The following SLC43A3 variants were observed in gnomAD, a reference collection of about 807,000 sequenced individuals.
SLC43A3 encodes the protein equilibrative nucleobase transporter 1.
SLC43A3 carries 33 observed loss-of-function variants against 53.3 expected under a neutral mutation model. The observed-to-expected ratio is 0.62, with a 90% CI of 0.47 to 0.83. The LOEUF (loss-of-function observed/expected upper bound fraction) is 0.83, where lower values mean the gene tolerates loss of function less well. SLC43A3 is among the 40% of genes least tolerant of loss of function. The pLI is 0.00. For missense variants in SLC43A3, 530 were observed against 610.0 expected (o/e 0.87, Z 1.38); for synonymous variants, 236 against 246.2 (o/e 0.96, Z 0.39).
chr11:57,424,882 G>A (rs1359311570), intron 4 of SLC43A3, among the ~76,000 whole-genome samples: 1 of 152,170 alleles, frequency 6.6e-6, no homozygotes, highest in East Asian at 1.9e-4. Flanking sequence ...CCCCCAGCAG[G>A]CCGCTGATTA....
At chr11:57,411,998 TTA>T (rs1269726709) in intron 11 of SLC43A3, among the ~76,000 whole-genome samples, 1 of 151,918 alleles carries the variant, frequency 6.6e-6, no homozygotes, top group African/African-American at 2.4e-5. Flanking sequence ...TATAAAAAAA[TTA>T]TATATATGTT....
rs756343234 is a variant in SLC43A3, at chr11:57,415,057, G to A, written c.819C>T (p.Tyr273=). The A allele has an allele frequency of 2.4e-5, 39 of 1,613,992 alleles. No individual in the cohort carries two copies. In the East Asian group the frequency reaches 4.9e-4, roughly 20 times the overall value. ...QKQELRSFWS[Y]AFSRRFAWHL... ...GCCAGGCAAAGCGCCGAGAGAAAGC[G>A]TAGCTCCAGAAGGAGCGGAGTTCCT... Residue 273 remains tyrosine, a synonymous_variant, in exon 10 of 14, where the codon TAC becomes TAT. Coordinates refer to ENST00000395124, the MANE Select transcript of SLC43A3 (RefSeq NM_199329.3).
At chr11:57,410,837 T>C (rs539522860) in intron 11 of SLC43A3, among the ~76,000 whole-genome samples, 2 of 152,214 alleles carry the variant, frequency 1.3e-5, no homozygotes, top group Non-Finnish European at 2.9e-5. Flanking sequence ...CACGCTATTC[T>C]TGTGATAGTG....
intron 11 of SLC43A3, among the ~76,000 whole-genome samples, 180 bp from the exon 12 acceptor site, chr11:57,410,301 C>A (rs1229110453): frequency 6.6e-6 from 1 of 152,206 alleles, no homozygotes; most frequent in Admixed American, 6.5e-5. Flanking sequence ...ATCAATAATG[C>A]TGATCATTCA....
intron 5 of SLC43A3, 94 bp from the exon 6 acceptor site, chr11:57,421,467 A>C: frequency 1.1e-6 from 1 of 885,908 alleles, no homozygotes. Context: ...ATTCCCAACA[A>C]TCCTGGTATC....
chr11:57,415,944 G>A (rs1057492485), intron 9 of SLC43A3, among the ~76,000 whole-genome samples: 26 of 152,166 alleles, frequency 1.7e-4, no homozygotes, highest in Non-Finnish European at 3.2e-4. Context: ...ATTTCTACCT[G>A]TTTTGTGACA....
intron 4 of SLC43A3, 147 bp from the exon 5 acceptor site, chr11:57,424,175 C>T: frequency 1.3e-6 from 1 of 755,082 alleles, no homozygotes; most frequent in Non-Finnish European, 2.3e-6. Context: ...CCTCTGAGCC[C>T]CAGGCTCAAA....
chr11:57,421,632 C>A (rs945373731), intron 5 of SLC43A3, among the ~76,000 whole-genome samples: 1 of 152,220 alleles, frequency 6.6e-6, no homozygotes, highest in African/African-American at 2.4e-5. Context: ...AGTCTACAGA[C>A]AGAGGCAGAG....
rs139411666 is a variant in SLC43A3 at position 57,425,657 on chromosome 11, C to T, written c.198G>A (p.Gln66=). ...NATGQADCKA[Q]DERFSLIFTL... is the part of the protein sequence containing the mutation. ...TGAAGATGAGTGAGAACCTCTCATC[C>T]TGGGCTTTGCAGTCTGGAGTAGAAA... The change falls in exon 4 of 14, where the codon CAG becomes CAA. Residue 66 remains glutamine, a synonymous_variant. Transcript: ENST00000395124. 6.4e-4 allele frequency: 1,034 copies of T among 1,614,094 alleles called. 3 individuals are homozygous for T. In the African/African-American group the frequency reaches 0.012, roughly 19 times the overall value.
At chr11:57,426,760 A>C (rs1440339207) in intron 1 of SLC43A3, 108 bp from the exon 2 acceptor site, 1 of 152,598 alleles carries the variant, frequency 6.6e-6, no homozygotes, top group East Asian at 1.9e-4. Context: ...ACTGACAATG[A>C]AACAAAAGCT....
At chr11:57,422,352 C>T (rs1400074469) in intron 5 of SLC43A3, among the ~76,000 whole-genome samples, 1 of 152,180 alleles carries the variant, frequency 6.6e-6, no homozygotes, top group African/African-American at 2.4e-5. Context: ...ACCTGCTCTT[C>T]CCATCAGTGT....
intron 9 of SLC43A3, chr11:57,415,374 T>C (rs777037053): frequency 6.9e-7 from 1 of 1,455,576 alleles, no homozygotes; most frequent in Non-Finnish European, 9.1e-7. Context: ...TCAATGACAC[T>C]TCTTGCAGTA....
chr11:57,413,090 G>A (rs988197529), intron 11 of SLC43A3, among the ~76,000 whole-genome samples: 3 of 150,962 alleles, frequency 2.0e-5, no homozygotes, highest in Non-Finnish European at 2.9e-5. Flanking sequence ...ATTAAACTGC[G>A]TTTCCTCCAA....
At position 57,416,768 on chromosome 11, in the gene SLC43A3, G is replaced by A. The variant is rs189853919; in HGVS notation, c.672-98C>T. The A allele has an allele frequency of 3.2e-5, 30 of 926,876 alleles. No individual in the cohort carries two copies. In the East Asian group the frequency reaches 4.9e-4, roughly 15 times the overall value. 57.4% of individuals were successfully genotyped at this position (926,876 alleles called of 1,614,324 possible). A position where few individuals can be genotyped will look rare whatever the true frequency, so the allele number is the denominator to read the frequency against. On this transcript the variant is annotated intron_variant, in intron 8 of 13. Transcript: ENST00000395124. ...AGCATGGTGAATCCCACATTCCACC[G>A]CACTTTGGAATCACCTTTTAGCCAC...
chr11:57,409,273 G>A lies in SLC43A3; in HGVS notation c.1273C>T (p.Leu425Phe), dbSNP rs765584516. ...LAFPSEHFGK[L>F]FGLVMALSAV... Reference sequence around the variant, plus strand: ...GACAAGGCCATCACCAGCCCAAAGAGCTTGCCAAAGTGCTCTGAAGGGAAA... The same window carrying A: ...GACAAGGCCATCACCAGCCCAAAGAACTTGCCAAAGTGCTCTGAAGGGAAA... The change falls in exon 13 of 14, where the codon CTC becomes TTC. Residue 425 changes from leucine (L) to phenylalanine (F), a missense_variant. Physicochemically the swap from Leu to Phe is conservative, Grantham distance 22. This residue lies in a region of SLC43A3 where 124 missense variants were observed against 166.4 expected (regional missense o/e 0.75). Transcript: ENST00000395124. 1.3e-5 allele frequency: 21 copies of A among 1,614,104 alleles called. No homozygotes were observed. Among genetic ancestry groups the A allele is most frequent in the Non-Finnish European group, 1.7e-5 (20 of 1,180,038 alleles).
At chr11:57,411,447 T>C (rs966042127) in intron 11 of SLC43A3, among the ~76,000 whole-genome samples, 1 of 115,958 alleles carries the variant, frequency 8.6e-6, no homozygotes, top group Admixed American at 1.1e-4. Context: ...GACATCAGCC[T>C]GGGCAACAAA....
At chr11:57,425,785 G>T in intron 3 of SLC43A3, 115 bp from the exon 4 acceptor site, 1 of 1,512,896 alleles carries the variant, frequency 6.6e-7, no homozygotes, top group Non-Finnish European at 8.9e-7. Flanking sequence ...CCCTTAAGCT[G>T]AGTTGAAATG....
At position 57,420,869 on chromosome 11, in the gene SLC43A3, G is replaced by A. The variant is rs926919106; in HGVS notation, c.531+103C>T. 9 of 797,854 alleles carry A rather than the reference G, an allele frequency of 1.1e-5. No homozygotes were observed. The African/African-American group carries it at 1.5e-4, about 13-fold the overall frequency. 49.4% of individuals were successfully genotyped at this position (797,854 alleles called of 1,614,324 possible). ...TCATCTGTAAAATGGGGGTAACACAGTACCTACCTCACCGAGTTGATGGAG... is the reference window on the plus strand; with the variant it reads ...TCATCTGTAAAATGGGGGTAACACAATACCTACCTCACCGAGTTGATGGAG... On this transcript the variant is annotated intron_variant, in intron 7 of 13. Transcript: ENST00000395124.
chr11:57,426,234 G>C lies in SLC43A3; in HGVS notation c.-62C>G, dbSNP rs1046314033. ...TCCTCCTGGACGGATCACAGGCGCC[G>C]TAAGCCTGGCGTTTGAGCACTTGGA... is the stretch of plus-strand genomic sequence containing the variant. On this transcript the variant is annotated 5_prime_UTR_variant, in exon 3 of 14. It introduces an in-frame stop codon into an upstream open reading frame of the 5' UTR. Coordinates refer to ENST00000395124, the MANE Select transcript of SLC43A3 (RefSeq NM_199329.3). 27 of 1,522,598 alleles carry C rather than the reference G, an allele frequency of 1.8e-5. No individual in the cohort carries two copies. The East Asian group carries it at 5.0e-4, about 28-fold the overall frequency. 94.3% of individuals were successfully genotyped at this position (1,522,598 alleles called of 1,614,324 possible).
Sources: gnomAD v4.1 joint callset for allele counts (sites outside exome capture counted in the v4.1 genomes callset) on GRCh38, gnomAD v4.1.1 for gene constraint, gnomAD v4.1.1 regional missense constraint, MANE v1.5 for transcripts, NCBI Gene and HGNC (gene_info 2026-07-23, HGNC 2026-07-21) for gene names.